The following EXOC4 variants were observed in gnomAD, a reference collection of about 807,000 sequenced individuals.
EXOC4 encodes SEC8-like 1.
In EXOC4, 71 loss-of-function variants were observed where a neutral mutation model predicts 107.2. The observed-to-expected ratio is 0.66, with a 90% CI of 0.55 to 0.81. EXOC4 has a LOEUF of 0.81. Ranked by LOEUF, EXOC4 falls within the 30% of genes least tolerant of loss-of-function variation. EXOC4 has a pLI of 0.00. For synonymous variants in EXOC4, 456 were observed against 441.2 expected, an observed-to-expected ratio of 1.03 and a Z score of -0.42; for missense variants, 1,108 against 1,189.6, an observed-to-expected ratio of 0.93 and a Z score of 1.01.
chr7:133,273,978 G>A (rs1793932189), intron 1 of EXOC4, among the ~76,000 whole-genome samples: 1 of 152,098 alleles, frequency 6.6e-6, no homozygotes, highest in Admixed American at 6.5e-5. Flanking sequence ...AAGAGGAAAA[G>A]GTTCCTTTGT....
intron 1 of EXOC4, among the ~76,000 whole-genome samples, chr7:133,263,608 C>G (rs964888935): frequency 6.6e-6 from 1 of 151,976 alleles, no homozygotes; most frequent in South Asian, 2.1e-4. Context: ...TCTCAAACTC[C>G]TGGCCTCAAG....
intron 10 of EXOC4, among the ~76,000 whole-genome samples, chr7:133,764,911 A>G (rs1247384569): frequency 6.6e-6 from 1 of 152,022 alleles, no homozygotes; most frequent in African/African-American, 2.4e-5. Context: ...CAGTTGTGCC[A>G]CTTATTAGTT....
rs114712904 is a variant in EXOC4 at position 133,640,140 on chromosome 7, A to G, written c.1514+9999A>G. ...GTGTAACCATGACCCAAATCAAGATATTAGACATCGACATAGATCATTTTC... is the reference window on the plus strand; with the variant it reads ...GTGTAACCATGACCCAAATCAAGATGTTAGACATCGACATAGATCATTTTC... On this transcript the variant is annotated intron_variant, in intron 10 of 17. Transcript: ENST00000253861. 4.8e-3 allele frequency among the ~76,000 whole-genome samples: 733 copies of G among 152,316 alleles called. 3 individuals are homozygous for G. The highest frequency in any genetic ancestry group is 0.017 in the Middle Eastern group (5 of 294).
In EXOC4 at chr7:133,590,234, A is replaced by G. The variant is rs537022573; in HGVS notation, c.1418-39811A>G. ...CTTTCTCTGCCTCCTGTGTCTATCA[A>G]TTTCACCACTCTTCCACCCAAGCTT... On this transcript the variant is annotated intron_variant, in intron 9 of 17. Coordinates refer to ENST00000253861, the MANE Select transcript of EXOC4 (RefSeq NM_021807.4). Among the ~76,000 whole-genome samples the G allele has an allele frequency of 2.6e-5, 4 of 151,940 alleles. No individual in the cohort carries two copies. In the East Asian group the frequency reaches 5.8e-4, roughly 22 times the overall value.
chr7:133,497,712 A>G (rs930442294), intron 9 of EXOC4, among the ~76,000 whole-genome samples: 4 of 152,132 alleles, frequency 2.6e-5, no homozygotes, highest in Non-Finnish European at 5.9e-5. Flanking sequence ...TACAGGGGTG[A>G]GCCACCACGC....
At chr7:133,719,749 A>G (rs1795068643) in intron 10 of EXOC4, among the ~76,000 whole-genome samples, 1 of 152,190 alleles carries the variant, frequency 6.6e-6, no homozygotes, top group African/African-American at 2.4e-5. Context: ...TTGAATTGGC[A>G]GAAACTCAGA....
intron 9 of EXOC4, among the ~76,000 whole-genome samples, chr7:133,614,645 T>G (rs986774454): frequency 1.3e-5 from 2 of 152,062 alleles, no homozygotes; most frequent in African/African-American, 2.4e-5. Context: ...CCATTGAAGA[T>G]GCATTGTTAT....
At chr7:133,573,019 C>A (rs1397655924) in intron 9 of EXOC4, among the ~76,000 whole-genome samples, 1 of 152,086 alleles carries the variant, frequency 6.6e-6, no homozygotes, top group African/African-American at 2.4e-5. Flanking sequence ...CAGGATATAA[C>A]CATATGGCAA....
At chr7:133,584,006 G>T (rs1002549519) in intron 9 of EXOC4, among the ~76,000 whole-genome samples, 1 of 152,122 alleles carries the variant, frequency 6.6e-6, no homozygotes, top group African/African-American at 2.4e-5. Context: ...GGGTTATAAA[G>T]GACAAGGAGG....
intron 10 of EXOC4, among the ~76,000 whole-genome samples, chr7:133,747,948 T>A (rs1795712656): frequency 6.6e-6 from 1 of 152,172 alleles, no homozygotes; most frequent in Non-Finnish European, 1.5e-5. Context: ...GATCGAAGAT[T>A]TGGTCTTTCA....
intron 7 of EXOC4, among the ~76,000 whole-genome samples, chr7:133,398,608 C>T (rs1187520450): frequency 6.6e-6 from 1 of 152,204 alleles, no homozygotes. Context: ...CCTTTCCAGG[C>T]ACTTCTCAGT....
intron 11 of EXOC4, among the ~76,000 whole-genome samples, chr7:133,831,074 C>T (rs1414387774): frequency 6.6e-6 from 1 of 151,972 alleles, no homozygotes; most frequent in Non-Finnish European, 1.5e-5. Context: ...AAGCAATTCT[C>T]CTGCCTCAGC....
At chr7:134,092,742 G>A in the EXOC4 span, among the ~76,000 whole-genome samples, 2 of 152,068 alleles carry the variant, frequency 1.3e-5, no homozygotes, top group African/African-American at 2.4e-5. Flanking sequence ...GGCCAACATG[G>A]TGAAACCCCA....
chr7:133,647,909 T>TA (rs1190460460), intron 10 of EXOC4, among the ~76,000 whole-genome samples: 1 of 152,172 alleles, frequency 6.6e-6, no homozygotes, highest in Non-Finnish European at 1.5e-5. Flanking sequence ...GCATTCCAGA[T>TA]AGTTCCCAGG....
chr7:134,100,177 C>G, the EXOC4 span, among the ~76,000 whole-genome samples: 12 of 152,002 alleles, frequency 7.9e-5, no homozygotes, highest in African/African-American at 2.4e-4. Context: ...ATACCTTTTT[C>G]TCTCCTACAG....
intron 13 of EXOC4, 73 bp downstream of exon 13, chr7:133,917,811 A>G (rs774529107): frequency 1.7e-5 from 25 of 1,437,318 alleles, no homozygotes; most frequent in South Asian, 4.3e-5. Context: ...ATTTTTTTAC[A>G]TGAAATTTAG....
chr7:133,586,474 A>G (rs1443802504), intron 9 of EXOC4, among the ~76,000 whole-genome samples: 1 of 152,174 alleles, frequency 6.6e-6, no homozygotes, highest in Admixed American at 6.5e-5. Context: ...ATAGTATTCC[A>G]TGGTCGTGTA....
chr7:134,027,051 T>C (rs1391998710), intron 17 of EXOC4, among the ~76,000 whole-genome samples: 2 of 152,236 alleles, frequency 1.3e-5, no homozygotes, highest in East Asian at 3.9e-4. Flanking sequence ...AGGGGGGGGA[T>C]TCACACAAAA....
chr7:133,738,982 G>A (rs1795504976), intron 10 of EXOC4, among the ~76,000 whole-genome samples: 1 of 152,116 alleles, frequency 6.6e-6, no homozygotes, highest in Non-Finnish European at 1.5e-5. Context: ...CCTGCACAAT[G>A]GAGACTGAAA....
Sources: allele counts gnomAD v4.1 joint callset (sites outside exome capture counted in the v4.1 genomes callset), GRCh38; gene constraint gnomAD v4.1.1; transcripts MANE v1.5; gene names NCBI Gene and HGNC (gene_info 2026-07-23, HGNC 2026-07-21).